EXD1: variants seen among roughly 807,000 people sequenced by gnomAD.
The protein encoded by EXD1 is piRNA biogenesis protein EXD1.
A neutral mutation model predicts 49.1 loss-of-function variants in EXD1; 63 were observed. The ratio of observed to expected loss-of-function variants is 1.28; its 90% CI spans 1.05 to 1.58. The LOEUF (loss-of-function observed/expected upper bound fraction) is 1.58. Ranked by LOEUF, EXD1 falls within the 40% of genes most tolerant of loss-of-function variation. EXD1 has a pLI of 0.00. For missense variants in EXD1, 748 were observed against 666.0 expected (o/e 1.12, Z -1.36); for synonymous variants, 234 against 239.2 (o/e 0.98, Z 0.20).
At chr15:41,220,480 G>T (rs955427963) in intron 2 of EXD1, among the ~76,000 whole-genome samples, 3 of 152,018 alleles carry the variant, frequency 2.0e-5, no homozygotes, top group Non-Finnish European at 4.4e-5. Flanking sequence ...GGATTGGCTC[G>T]ATCTCCTGAC....
chr15:41,217,292 A>G lies in EXD1; in HGVS notation c.203-138T>C, dbSNP rs1595455443. Reference sequence around the variant, plus strand: ...GACATGTTAGTCCACGGAGGCTTTTACTGGCCAGCAATAAATACAACAGAA... The same window carrying G: ...GACATGTTAGTCCACGGAGGCTTTTGCTGGCCAGCAATAAATACAACAGAA... On this transcript the variant is annotated intron_variant, in intron 3 of 11. Coordinates refer to ENST00000458580, the MANE Select transcript of EXD1 (RefSeq NM_001286441.2). 4.5e-6 allele frequency: 3 copies of G among 668,408 alleles called. No homozygotes were observed. In the East Asian group the frequency reaches 8.2e-5, roughly 18 times the overall value. 41.4% of individuals were successfully genotyped at this position (668,408 alleles called of 1,614,324 possible).
chr15:41,194,966 C>G (rs1040330720), intron 9 of EXD1, among the ~76,000 whole-genome samples: 3 of 152,176 alleles, frequency 2.0e-5, no homozygotes, highest in African/African-American at 7.2e-5. Flanking sequence ...CTTATTAGTT[C>G]AGTTTCTCTC....
chr15:41,184,488 G>C lies in EXD1; in HGVS notation c.1162C>G (p.Leu388Val), dbSNP rs1264223261. The C allele has an allele frequency of 6.2e-7, 1 of 1,614,100 alleles. No individual in the cohort carries two copies. ...TTTGGCTGTAGCACTGTCCTTATCA[G>C]GAGTCCCTGTGCATTCACCCTATAT... ...REYRVNAQGL[L>V]IRTVLQPKKL... Residue 388 changes from leucine to valine, a missense_variant, in exon 12 of 12, where the codon CTG becomes GTG. Leu to Val is a conservative substitution (Grantham distance 32). Coordinates refer to ENST00000458580, the MANE Select transcript of EXD1 (RefSeq NM_001286441.2).
rs1465537836 is a variant in EXD1 at position 41,184,180 on chromosome 15, T to C, written c.1470A>G (p.Thr490=). ...QRITQKEHFM[T]PKHEFQASLS... ...AACTTGCCTGAAACTCATGTTTGGG[T>C]GTCATAAAGTGTTCTTTCTGAGTTA... The change falls in exon 12 of 12, where the codon ACA becomes ACG. Residue 490 remains threonine, a synonymous_variant. Transcript: ENST00000458580. The C allele has an allele frequency of 6.2e-7, 1 of 1,614,102 alleles. No individual in the cohort carries two copies. Among genetic ancestry groups the C allele is most frequent in the Non-Finnish European group, 8.5e-7 (1 of 1,180,054 alleles).
intron 5 of EXD1, among the ~76,000 whole-genome samples, chr15:41,216,402 C>T (rs979425144): frequency 3.3e-5 from 5 of 151,806 alleles, no homozygotes; most frequent in Non-Finnish European, 7.4e-5. Flanking sequence ...GAGGCCAAGG[C>T]GGGCGGATCA....
intron 1 of EXD1, among the ~76,000 whole-genome samples, chr15:41,228,546 C>T (rs2047194923): frequency 6.6e-6 from 1 of 152,050 alleles, no homozygotes; most frequent in South Asian, 2.1e-4. Context: ...TAGTGCAAGA[C>T]CAAGTCTTAT....
Position 41,210,066 on chromosome 15 carries a change from C to T in EXD1, c.448-479G>A, listed in dbSNP as rs149358327. On this transcript the variant is annotated intron_variant, in intron 6 of 11. Coordinates refer to ENST00000458580, the MANE Select transcript of EXD1 (RefSeq NM_001286441.2). ...AAGTAGCTGGGATTACAGGCATGCA[C>T]CACCACGCCCAGCTAATTTTGTATT... 1.5e-3 allele frequency among the ~76,000 whole-genome samples: 230 copies of T among 152,228 alleles called. 1 individual carries two copies. Among genetic ancestry groups the T allele is most frequent in the African/African-American group, 5.3e-3 (222 of 41,550 alleles).
At chr15:41,203,939 A>AAAC (rs2046776435) in intron 7 of EXD1, among the ~76,000 whole-genome samples, 1 of 146,482 alleles carries the variant, frequency 6.8e-6, no homozygotes, top group Non-Finnish European at 1.5e-5. Flanking sequence ...AAAAAAAAAA[A>AAAC]AAAAACCCTA....
intron 7 of EXD1, among the ~76,000 whole-genome samples, chr15:41,200,666 C>T (rs1335248746): frequency 6.6e-6 from 1 of 152,116 alleles, no homozygotes; most frequent in African/African-American, 2.4e-5. Context: ...AAGCACAGGT[C>T]ACAAGCTGTG....
chr15:41,210,830 C>A (rs74012245), intron 6 of EXD1, among the ~76,000 whole-genome samples: 24,627 of 151,914 alleles, frequency 0.16, 3,667 homozygotes, highest in African/African-American at 0.4. Context: ...ATAGGTAGTT[C>A]AATTATTCAA....
rs143587877 is a variant in EXD1, at chr15:41,194,827, A to T, written c.720+948T>A. The stretch of plus-strand genomic sequence containing the variant: ...AGCAATTATGTTAGATTTTGGAGTA[A>T]GCATAAAAGCAATCTCTACAAATGG... On this transcript the variant is annotated intron_variant, in intron 9 of 11. Coordinates refer to ENST00000458580, the MANE Select transcript of EXD1 (RefSeq NM_001286441.2). 3.2e-3 allele frequency among the ~76,000 whole-genome samples: 486 copies of T among 152,326 alleles called. 5 individuals carry two copies. Among genetic ancestry groups the T allele is most frequent in the African/African-American group, 0.011 (461 of 41,582 alleles).
At chr15:41,219,693 C>G (rs1187134311) in intron 3 of EXD1, 137 bp downstream of exon 3, 2 of 657,436 alleles carry the variant, frequency 3.0e-6, no homozygotes, top group Non-Finnish European at 2.5e-6. Flanking sequence ...TCATAGAGTA[C>G]CCACAGAAGC....
intron 1 of EXD1, 146 bp from the exon 2 acceptor site, chr15:41,226,774 C>A: frequency 1.5e-6 from 1 of 665,832 alleles, no homozygotes; most frequent in Non-Finnish European, 2.3e-6. Context: ...AGAAAAGGAT[C>A]ATTGCAAGCA....
In EXD1 at chr15:41,199,711, T is replaced by C. The variant is rs1010856143; in HGVS notation, c.535-3674A>G. 3.7e-3 allele frequency among the ~76,000 whole-genome samples: 377 copies of C among 101,794 alleles called. 6 individuals carry two copies. The highest frequency in any genetic ancestry group is 0.013 in the African/African-American group (346 of 27,282). 66.8% of individuals were successfully genotyped at this position (101,794 alleles called of 152,430 possible). A position where few individuals can be genotyped will look rare whatever the true frequency, so the allele number is the denominator to read the frequency against. On this transcript the variant is annotated intron_variant, in intron 7 of 11. Coordinates refer to ENST00000458580, the MANE Select transcript of EXD1 (RefSeq NM_001286441.2). ...TATGAGATATATTACATATATCATA[T>C]ATATGATATATTATATATGATATAT... is the stretch of plus-strand genomic sequence containing the variant.
At chr15:41,220,694 T>A (rs1457769427) in intron 2 of EXD1, among the ~76,000 whole-genome samples, 2 of 152,320 alleles carry the variant, frequency 1.3e-5, no homozygotes, top group East Asian at 3.9e-4. Flanking sequence ...TTAGATGCCA[T>A]GTCCACAATG....
At chr15:41,223,024 C>G (rs2047113409) in intron 2 of EXD1, among the ~76,000 whole-genome samples, 1 of 151,854 alleles carries the variant, frequency 6.6e-6, no homozygotes, top group Non-Finnish European at 1.5e-5. Flanking sequence ...AATCATAGCT[C>G]ACTGCAGCCT....
At chr15:41,226,666 AT>A (rs1048318657) in intron 1 of EXD1, 38 bp from the exon 2 acceptor site, 19 of 1,431,174 alleles carry the variant, frequency 1.3e-5, no homozygotes, top group Non-Finnish European at 1.4e-5. Flanking sequence ...ATTTTAAAAG[AT>A]TTTTTGGGAG....
At chr15:41,206,140 TA>T (rs1000895772) in intron 7 of EXD1, among the ~76,000 whole-genome samples, 8 of 152,034 alleles carry the variant, frequency 5.3e-5, no homozygotes, top group African/African-American at 1.9e-4. Context: ...GTAAAACTGA[TA>T]AATCAAGAGA....
chr15:41,210,784 A>G (rs2046910220), intron 6 of EXD1, among the ~76,000 whole-genome samples: 1 of 152,226 alleles, frequency 6.6e-6, no homozygotes, highest in African/African-American at 2.4e-5. Context: ...CATAATTCAT[A>G]AAAATATTTG....
Sources: allele counts gnomAD v4.1 joint callset (sites outside exome capture counted in the v4.1 genomes callset), GRCh38; gene constraint gnomAD v4.1.1; transcripts MANE v1.5; gene names NCBI Gene and HGNC (gene_info 2026-07-23, HGNC 2026-07-21).